The following ZZEF1 variants were observed in gnomAD, a reference collection of about 807,000 sequenced individuals.
ZZEF1 encodes the protein zinc finger ZZ-type and EF-hand domain containing 1.
A neutral mutation model predicts 342.8 loss-of-function variants in ZZEF1; 157 were observed. That is an observed-to-expected ratio of 0.46 (90% CI 0.40 to 0.52). ZZEF1 has a LOEUF of 0.52. Ranked by LOEUF, ZZEF1 falls within the 20% of genes least tolerant of loss-of-function variation. ZZEF1 has a pLI of 0.00. For missense variants in ZZEF1, 3,480 were observed against 3,725.6 expected, an observed-to-expected ratio of 0.93 and a Z score of 1.72; for synonymous variants, 1,505 against 1,429.1, an observed-to-expected ratio of 1.05 and a Z score of -1.20.
intron 1 of ZZEF1, among the ~76,000 whole-genome samples, chr17:4,136,700 GA>G (rs1373807909): frequency 3.3e-5 from 5 of 152,292 alleles, no homozygotes; most frequent in Non-Finnish European, 7.4e-5. Context: ...CGGGGGCAGA[GA>G]GGGGGCAGCT....
chr17:4,018,045 G>A, intron 46 of ZZEF1, 74 bp from the exon 47 acceptor site: 1 of 1,571,954 alleles, frequency 6.4e-7, no homozygotes, highest in Non-Finnish European at 8.7e-7. Context: ...TAAACTTGTT[G>A]GCAATGTTCT....
intron 37 of ZZEF1, among the ~76,000 whole-genome samples, chr17:4,045,933 T>C (rs1161492157): frequency 2.0e-5 from 3 of 151,922 alleles, no homozygotes; most frequent in Non-Finnish European, 4.4e-5. Flanking sequence ...GTTCAAGTGA[T>C]TCTCCTGCCT....
chr17:4,109,928 A>T (rs1317452924), intron 5 of ZZEF1, 65 bp from the exon 6 acceptor site: 7 of 1,518,518 alleles, frequency 4.6e-6, no homozygotes, highest in South Asian at 1.2e-5. Flanking sequence ...TGGGCTCCCA[A>T]CTAAAAGCAA....
chr17:4,015,648 C>T (rs118154138), intron 49 of ZZEF1, among the ~76,000 whole-genome samples: 4,511 of 152,276 alleles, frequency 0.03, 81 homozygotes, highest in Non-Finnish European at 0.044. Context: ...GCCTTTATTC[C>T]TGCTACTAGG....
rs1340581512 is a variant in ZZEF1 at position 4,090,727 on chromosome 17, C to G, written c.2017G>C (p.Val673Leu). 6.2e-7 allele frequency: 1 copy of G among 1,613,966 alleles called. No homozygotes were observed. Among genetic ancestry groups the G allele is most frequent in the South Asian group, 1.1e-5 (1 of 91,090 alleles). ...EADVKLQQCRVAKYLMVKFLC... is the reference protein window; with the variant it reads ...EADVKLQQCRLAKYLMVKFLC... ...GACGCACTAATGCTTACTTTGGCAA[C>G]TCTGCACTGTTGCAGCTTCACATCT... Residue 673 changes from valine (V) to leucine (L), a missense_variant, in exon 12 of 55, where the codon GTT becomes CTT. By Grantham distance (32) the Val-to-Leu change is conservative. Transcript: ENST00000381638.
intron 37 of ZZEF1, among the ~76,000 whole-genome samples, chr17:4,047,038 T>C (rs1320509311): frequency 6.6e-6 from 1 of 151,996 alleles, no homozygotes; most frequent in African/African-American, 2.4e-5. Context: ...GTGCTGGAAA[T>C]TGCTTGCAGC....
intron 38 of ZZEF1, among the ~76,000 whole-genome samples, chr17:4,043,555 A>G (rs904453449): frequency 3.9e-5 from 6 of 152,152 alleles, no homozygotes; most frequent in South Asian, 2.1e-4. Flanking sequence ...AGCCCACAGC[A>G]TGCTCCTCAA....
rs2058180254 is a variant in ZZEF1 at position 4,104,635 on chromosome 17, T to C, written c.1571A>G (p.Tyr524Cys). The C allele has an allele frequency of 8.1e-6, 13 of 1,613,502 alleles. No homozygotes were observed. The South Asian group carries it at 1.3e-4, about 16-fold the overall frequency. The change falls in exon 8 of 55, where the codon TAT becomes TGT. Residue 524 changes from tyrosine to cysteine, a missense_variant and splice_region_variant. Physicochemically the swap from Tyr to Cys is radical, Grantham distance 194. This residue lies in a region of ZZEF1 where 1,528 missense variants were observed against 1,624.1 expected (regional missense o/e 0.94). Coordinates refer to ENST00000381638, the MANE Select transcript of ZZEF1 (RefSeq NM_015113.4). ...ASVRQNLLLK[Y>C]GKPLQLTLQA... ...CCCCCATGTTTTACCATATTTACCATATTTGAGGAGCAGGTTCTGTCTGAC... is the reference window on the plus strand; with the variant it reads ...CCCCCATGTTTTACCATATTTACCACATTTGAGGAGCAGGTTCTGTCTGAC...
intron 1 of ZZEF1, among the ~76,000 whole-genome samples, chr17:4,125,406 T>C (rs11078482): frequency 0.76 from 115,769 of 152,132 alleles, 46,358 homozygotes; most frequent in East Asian, 1. Context: ...ATTTCCATCA[T>C]AGACCTCTGA....
rs1207837359 is a variant in ZZEF1, at chr17:4,006,660, C to T, written c.*230G>A. ...CTTAAGGGCCCCCTGCCCACCCTTTCTGAGGCATTCTGCACTGCTTGGCTT... is the reference window on the plus strand; with the variant it reads ...CTTAAGGGCCCCCTGCCCACCCTTTTTGAGGCATTCTGCACTGCTTGGCTT... On this transcript the variant is annotated 3_prime_UTR_variant, in exon 55 of 55. Transcript: ENST00000381638. The T allele has an allele frequency of 1.7e-6, 1 of 572,724 alleles. No individual in the cohort carries two copies. The highest frequency in any genetic ancestry group is 3.1e-6 in the Non-Finnish European group (1 of 319,118). 35.5% of individuals were successfully genotyped at this position (572,724 alleles called of 1,614,324 possible). A position where few individuals can be genotyped will look rare whatever the true frequency, so the allele number is the denominator to read the frequency against.
rs1355133239 is a variant in ZZEF1, at chr17:4,086,474, C to T, written c.2512+12G>A. 4 of 1,613,924 alleles carry T rather than the reference C, an allele frequency of 2.5e-6. No individual in the cohort carries two copies. The Admixed American group carries it at 6.7e-5, about 27-fold the overall frequency. On this transcript the variant is annotated intron_variant, in intron 15 of 54. Transcript: ENST00000381638. ...CACAGGGTTGTATTAAAGAGAAAACCCAAATCCCTACCATCACACAAGTGT... is the reference window on the plus strand; with the variant it reads ...CACAGGGTTGTATTAAAGAGAAAACTCAAATCCCTACCATCACACAAGTGT...
At chr17:4,105,662 C>T (rs746351789) in intron 7 of ZZEF1, 31 bp downstream of exon 7, 2 of 1,502,434 alleles carry the variant, frequency 1.3e-6, no homozygotes, top group Non-Finnish European at 9.2e-7. Context: ...CCATTCCTCA[C>T]AGAGTTTACC....
rs1329860735 is a variant in ZZEF1 at position 4,101,619 on chromosome 17, C to A, written c.1672+698G>T. Among the ~76,000 whole-genome samples the A allele has an allele frequency of 2.6e-5, 4 of 151,932 alleles. No individual in the cohort carries two copies. The East Asian group carries it at 7.7e-4, about 29-fold the overall frequency. On this transcript the variant is annotated intron_variant, in intron 9 of 54. Coordinates refer to ENST00000381638, the MANE Select transcript of ZZEF1 (RefSeq NM_015113.4). ...CTACATCAGCTATATCTGGAAATAC[C>A]CTTCTTTGTTTTGTTTTGTTTTTTT...
chr17:4,105,492 C>T (rs1265077656), intron 7 of ZZEF1, among the ~76,000 whole-genome samples: 1 of 152,208 alleles, frequency 6.6e-6, no homozygotes, highest in Admixed American at 6.5e-5. Flanking sequence ...CACCAACCTT[C>T]CCAATTCTTC....
At chr17:4,033,145 C>G (rs908600676) in intron 40 of ZZEF1, 143 bp from the exon 41 acceptor site, 12 of 757,168 alleles carry the variant, frequency 1.6e-5, no homozygotes, top group Non-Finnish European at 2.2e-5. Flanking sequence ...TAATGCTTTT[C>G]GTATAATGGT....
chr17:4,084,453 T>TA (rs1299975970), intron 16 of ZZEF1, among the ~76,000 whole-genome samples: 2 of 152,220 alleles, frequency 1.3e-5, no homozygotes, highest in Non-Finnish European at 2.9e-5. Context: ...TGTTCATAAG[T>TA]AAGAGTGGCC....
intron 2 of ZZEF1, among the ~76,000 whole-genome samples, chr17:4,118,120 G>A (rs994571416): frequency 6.6e-6 from 1 of 152,198 alleles, no homozygotes; most frequent in Non-Finnish European, 1.5e-5. Flanking sequence ...AAGGCAGGGT[G>A]ACGGGTGGGA....
intron 8 of ZZEF1, among the ~76,000 whole-genome samples, chr17:4,103,890 A>C (rs1467823443): frequency 1.3e-5 from 2 of 152,186 alleles, no homozygotes; most frequent in East Asian, 1.9e-4. Flanking sequence ...ACTGCACTCC[A>C]ATCTGTGCAA....
chr17:4,056,428 G>A, intron 32 of ZZEF1, 83 bp from the exon 33 acceptor site: 6 of 1,372,528 alleles, frequency 4.4e-6, no homozygotes, highest in Non-Finnish European at 5.7e-6. Context: ...TGTGTCTATA[G>A]GTCTATTATA....
Sources: allele counts gnomAD v4.1 joint callset (sites outside exome capture counted in the v4.1 genomes callset), GRCh38; gene constraint gnomAD v4.1.1; regional missense constraint gnomAD v4.1.1; transcripts MANE v1.5; gene names NCBI Gene and HGNC (gene_info 2026-07-23, HGNC 2026-07-21).